Variants in MGAT4C observed in about 807,000 individuals in gnomAD.
MGAT4C encodes the protein alpha-1,3-mannosyl-glycoprotein 4-beta-N-acetylglucosaminyltransferase C.
MGAT4C carries 19 observed loss-of-function variants against 40.1 expected under a neutral mutation model. The ratio of observed to expected loss-of-function variants is 0.47; its 90% confidence interval spans 0.33 to 0.70. MGAT4C has a LOEUF of 0.70. MGAT4C is among the 30% of genes least tolerant of loss of function. The pLI is 0.02. For missense variants in MGAT4C, 491 were observed against 563.2 expected, an observed-to-expected ratio of 0.87 and a Z score of 1.30; for synonymous variants, 181 against 187.1, an observed-to-expected ratio of 0.97 and a Z score of 0.27.
Position 86,154,855 on chromosome 12 carries a change from T to C in MGAT4C, c.-57+101384A>G, listed in dbSNP as rs73387144. 3.3e-3 allele frequency among the ~76,000 whole-genome samples: 500 copies of C among 152,286 alleles called. 2 individuals are homozygous for C. Among genetic ancestry groups the C allele is most frequent in the African/African-American group, 0.012 (488 of 41,558 alleles). On this transcript the variant is annotated intron_variant, in intron 1 of 4. Transcript: ENST00000611864. ...CCCACGTGCCTGATCCTGTTCCAGA[T>C]ACTGAGGAGACTGTGCCGAATCAGA...
intron 2 of MGAT4C, among the ~76,000 whole-genome samples, chr12:86,474,864 A>G (rs546864250): frequency 1.3e-5 from 2 of 149,642 alleles, no homozygotes; most frequent in Admixed American, 6.7e-5. Context: ...GCATTGTACA[A>G]AGCAAATAAA....
At chr12:86,800,562 T>C (rs1331828068) in intron 1 of MGAT4C, among the ~76,000 whole-genome samples, 4 of 151,842 alleles carry the variant, frequency 2.6e-5, no homozygotes, top group Non-Finnish European at 5.9e-5. Context: ...TGCAGATGAA[T>C]TGTTGGAGTT....
At chr12:86,279,729 GTTGT>G (rs1953167302) in intron 4 of MGAT4C, among the ~76,000 whole-genome samples, 1 of 150,608 alleles carries the variant, frequency 6.6e-6, no homozygotes, top group African/African-American at 2.4e-5. Context: ...GAATTGTTGG[GTTGT>G]TTATTTGAAG....
intron 3 of MGAT4C, among the ~76,000 whole-genome samples, chr12:86,413,424 A>C (rs1956644922): frequency 6.6e-6 from 1 of 152,204 alleles, no homozygotes; most frequent in South Asian, 2.1e-4. Flanking sequence ...AACTCAGGAG[A>C]GTATACAGAG....
chr12:86,656,664 A>T (rs1026138929), intron 2 of MGAT4C, among the ~76,000 whole-genome samples: 23 of 152,060 alleles, frequency 1.5e-4, no homozygotes. Context: ...GAGTACACTG[A>T]GTGTGAAAAA....
intron 1 of MGAT4C, among the ~76,000 whole-genome samples, chr12:86,779,912 CAAAAAT>C (rs1229939574): frequency 1.3e-5 from 2 of 150,430 alleles, no homozygotes; most frequent in African/African-American, 4.9e-5. Context: ...GACTTTGTCT[CAAAAAT>C]AAAAATAAAA....
At chr12:86,826,479 C>A (rs142571316) in intron 1 of MGAT4C, among the ~76,000 whole-genome samples, 34 of 151,546 alleles carry the variant, frequency 2.2e-4, no homozygotes, top group African/African-American at 8.2e-4. Flanking sequence ...AAAAATTATA[C>A]CCAAAGTATT....
intron 2 of MGAT4C, among the ~76,000 whole-genome samples, chr12:86,536,418 A>G (rs1959069120): frequency 1.3e-5 from 2 of 152,172 alleles, no homozygotes; most frequent in African/African-American, 4.8e-5. Context: ...AAAATTTTGA[A>G]AAAAGGAAAT....
chr12:86,194,450 A>T (rs2135912661), intron 1 of MGAT4C, among the ~76,000 whole-genome samples: 1 of 149,552 alleles, frequency 6.7e-6, no homozygotes, highest in South Asian at 2.1e-4. Flanking sequence ...GAGTAGGAGC[A>T]AATCAATTTT....
rs1256764656 is a variant in MGAT4C at position 86,714,815 on chromosome 12, A to AAGGG, written c.-229+12393_-229+12394insCCCT. Among the ~76,000 whole-genome samples, 4 of 151,870 alleles carry AAGGG rather than the reference A, an allele frequency of 2.6e-5. No homozygotes were observed. In the East Asian group the frequency reaches 5.8e-4, roughly 22 times the overall value. ...GAAGGAAGGAAGGAAGGAAGGAAGG[A>AAGGG]AAGAATTAAAGTAGGAAGGAAGAAA... is the stretch of plus-strand genomic sequence containing the variant. On this transcript the variant is annotated intron_variant, in intron 2 of 7. Transcript: ENST00000548651.
chr12:86,640,576 G>T (rs11834542), intron 2 of MGAT4C, among the ~76,000 whole-genome samples: 6,464 of 151,908 alleles, frequency 0.043, 160 homozygotes, highest in South Asian at 0.065. Flanking sequence ...TTAATTTTTT[G>T]AAGGGTTTTT....
At position 86,644,970 on chromosome 12, in the gene MGAT4C, G is replaced by A. The variant is rs114092248; in HGVS notation, c.-229+82239C>T. On this transcript the variant is annotated intron_variant, in intron 2 of 7. Transcript: ENST00000548651. Reference sequence around the variant, plus strand: ...TACGTAACCACTGAGCAGACCCATTGTGATTTCTGCATTCTTTTGTATGTT... The same window carrying A: ...TACGTAACCACTGAGCAGACCCATTATGATTTCTGCATTCTTTTGTATGTT... Among the ~76,000 whole-genome samples, 452 of 151,706 alleles carry A rather than the reference G, an allele frequency of 3.0e-3. 2 individuals are homozygous for A. The highest frequency in any genetic ancestry group is 0.01 in the African/African-American group (431 of 41,492).
intron 3 of MGAT4C, among the ~76,000 whole-genome samples, chr12:86,392,966 T>C (rs1216713816): frequency 2.0e-5 from 3 of 152,126 alleles, no homozygotes; most frequent in Non-Finnish European, 2.9e-5. Flanking sequence ...TTTTAACCTA[T>C]AATAAACTAA....
intron 1 of MGAT4C, among the ~76,000 whole-genome samples, chr12:86,730,254 A>G (rs1332358333): frequency 6.6e-6 from 1 of 152,104 alleles, no homozygotes; most frequent in Non-Finnish European, 1.5e-5. Context: ...ATAGATTAAA[A>G]TTAGCAGTAA....
rs936940490 is a variant in MGAT4C at position 86,492,387 on chromosome 12, C to T, written c.-228-57122G>A. On this transcript the variant is annotated intron_variant, in intron 2 of 7. Transcript: ENST00000548651. ...AAGCTGGAGGCATCACACTACCTGA[C>T]TTCAAACTATACTACAATGTACAGT... Among the ~76,000 whole-genome samples, 29 of 152,174 alleles carry T rather than the reference C, an allele frequency of 1.9e-4. 1 individual carries two copies. Among genetic ancestry groups the T allele is most frequent in the Admixed American group, 5.9e-4 (9 of 15,268 alleles).
chr12:86,203,429 T>C (rs1327023398), intron 1 of MGAT4C, among the ~76,000 whole-genome samples: 2 of 152,154 alleles, frequency 1.3e-5, no homozygotes, highest in Non-Finnish European at 2.9e-5. Flanking sequence ...CATGAACATA[T>C]GAAGCTCAGT....
At chr12:86,476,328 T>C (rs772379244) in intron 2 of MGAT4C, among the ~76,000 whole-genome samples, 1 of 151,996 alleles carries the variant, frequency 6.6e-6, no homozygotes, top group Non-Finnish European at 1.5e-5. Context: ...AAGAAACATA[T>C]GAAACAATGC....
intron 3 of MGAT4C, among the ~76,000 whole-genome samples, chr12:86,402,608 T>C (rs1592796220): frequency 6.6e-6 from 1 of 152,190 alleles, no homozygotes; most frequent in African/African-American, 2.4e-5. Context: ...GACAGAGATA[T>C]TCTTTTTCTT....
At position 86,502,656 on chromosome 12, in the gene MGAT4C, TTTCTGCTCATATATATACACGAG is replaced by T. The variant is rs746700340; in HGVS notation, c.-228-67414_-228-67392del. ...GATTTCTGCTCATATATATACATGA[TTTCTGCTCATATATATACACGAG>T]TTCTGCTCATATATATACACGAGAT... On this transcript the variant is annotated intron_variant, in intron 2 of 7. Coordinates refer to the MGAT4C transcript ENST00000548651. Among the ~76,000 whole-genome samples the T allele has an allele frequency of 9.5e-3, 1,370 of 143,994 alleles. 15 individuals carry two copies. The highest frequency in any genetic ancestry group is 0.032 in the Middle Eastern group (9 of 278). The allele number at this position is 143,994 out of a possible 152,430, so 94.5% of individuals were successfully genotyped here.
Sources: allele counts gnomAD v4.1 joint callset (sites outside exome capture counted in the v4.1 genomes callset), GRCh38; gene constraint gnomAD v4.1.1; transcripts MANE v1.5; gene names NCBI Gene and HGNC (gene_info 2026-07-23, HGNC 2026-07-21).